The following PLA2G4C variants were observed in gnomAD, a reference collection of about 807,000 sequenced individuals.
PLA2G4C encodes the protein phospholipase A2 group IVC, also known as cytosolic phospholipase A2 gamma.
In PLA2G4C, 64 loss-of-function variants were observed where a neutral mutation model predicts 73.8. The ratio of observed to expected loss-of-function variants is 0.87; its 90% CI spans 0.71 to 1.07. The LOEUF (loss-of-function observed/expected upper bound fraction) is 1.07, where lower values mean the gene tolerates loss of function less well. Ranked by LOEUF, PLA2G4C falls within the 50% of genes least tolerant of loss-of-function variation. The pLI is 0.00. For missense variants in PLA2G4C, 622 were observed against 665.4 expected, an observed-to-expected ratio of 0.93 and a Z score of 0.72; for synonymous variants, 254 against 252.1, an observed-to-expected ratio of 1.01 and a Z score of -0.07.
intron 1 of PLA2G4C, among the ~76,000 whole-genome samples, chr19:48,107,040 T>G (rs1314970987): frequency 1.3e-5 from 2 of 152,134 alleles, no homozygotes; most frequent in African/African-American, 4.8e-5. Flanking sequence ...AGATGGGGTT[T>G]CTCCATGTTG....
chr19:48,058,319 G>T (rs1968037352), intron 14 of PLA2G4C, among the ~76,000 whole-genome samples: 2 of 151,650 alleles, frequency 1.3e-5, no homozygotes, highest in Admixed American at 1.3e-4. Context: ...AAAAATTTGT[G>T]TGGAGATGGG....
intron 15 of PLA2G4C, among the ~76,000 whole-genome samples, chr19:48,053,519 A>T (rs1967811117): frequency 6.6e-6 from 1 of 151,802 alleles, no homozygotes; most frequent in Non-Finnish European, 1.5e-5. Context: ...ACAGGCGTGC[A>T]TCACCACGCT....
At chr19:48,054,222 G>A (rs11564648) in intron 15 of PLA2G4C, among the ~76,000 whole-genome samples, 2 of 152,134 alleles carry the variant, frequency 1.3e-5, no homozygotes, top group Non-Finnish European at 2.9e-5. Context: ...CAAGTGTCGT[G>A]GGAGGTAATT....
intron 12 of PLA2G4C, among the ~76,000 whole-genome samples, chr19:48,071,452 G>A (rs764681250): frequency 5.9e-5 from 9 of 152,108 alleles, no homozygotes; most frequent in South Asian, 2.1e-4. Flanking sequence ...CACCACGCCC[G>A]GCGAATTTTG....
At chr19:48,063,962 AAAGC>A (rs1217803021) in intron 13 of PLA2G4C, 1 of 152,086 alleles carries the variant, frequency 6.6e-6, no homozygotes, top group Non-Finnish European at 1.5e-5. Context: ...GTCTGTTAAG[AAAGC>A]AAAGGGGTGA....
chr19:48,091,552 C>G (rs2031297763), intron 7 of PLA2G4C, among the ~76,000 whole-genome samples: 1 of 151,982 alleles, frequency 6.6e-6, no homozygotes, highest in Non-Finnish European at 1.5e-5. Context: ...TGGTTAGTGA[C>G]TTTTAGCCAA....
intron 10 of PLA2G4C, among the ~76,000 whole-genome samples, chr19:48,080,993 C>CAAAAAA (rs34388817): frequency 4.9e-5 from 5 of 102,892 alleles, no homozygotes; most frequent in Admixed American, 1.1e-4. Flanking sequence ...ACTAAAAATA[C>CAAAAAA]AAAAAAAAAA....
rs1019409721 is a variant in PLA2G4C at position 48,088,694 on chromosome 19, G to A, written c.782C>T (p.Thr261Ile). Residue 261 changes from threonine (T) to isoleucine (I), a missense_variant, in exon 9 of 17, where the codon ACC (threonine) becomes ATC (isoleucine). Thr to Ile is a moderately conservative substitution (Grantham distance 89, BLOSUM62 -1). Transcript: ENST00000599921. ...TGAAGTAGGATGCTTACCTTTCAGGGTCAGATTCCTTAACTGGTCTGCAAA... is the reference window on the plus strand; with the variant it reads ...TGAAGTAGGATGCTTACCTTTCAGGATCAGATTCCTTAACTGGTCTGCAAA... ...EYIFDQLRNL[T>I]LKGLWRRAVA... 6.2e-7 allele frequency: 1 copy of A among 1,608,166 alleles called. No homozygotes were observed. The highest frequency in any genetic ancestry group is 8.5e-7 in the Non-Finnish European group (1 of 1,174,650).
At chr19:48,093,462 CAG>C (rs147169468) in intron 7 of PLA2G4C, among the ~76,000 whole-genome samples, 43 of 149,370 alleles carry the variant, frequency 2.9e-4, no homozygotes, top group Admixed American at 4.0e-4. Context: ...AATCCATGCT[CAG>C]AGAGAGAGAG....
chr19:48,057,480 C>T (rs200038750), intron 14 of PLA2G4C, among the ~76,000 whole-genome samples: 481 of 28,042 alleles, frequency 0.017, 9 homozygotes, highest in East Asian at 0.048. Context: ...TCTTCTTCTT[C>T]TTCTTTTTTT....
At chr19:48,105,286 G>T in intron 3 of PLA2G4C, 47 bp downstream of exon 3, 1 of 1,321,060 alleles carries the variant, frequency 7.6e-7, no homozygotes, top group Non-Finnish European at 1.1e-6. Context: ...TGGGCACAGA[G>T]GGGGCGATTC....
rs1270190886 is a variant in PLA2G4C, at chr19:48,090,431, A to G, written c.710-14T>C. 2.5e-6 allele frequency: 4 copies of G among 1,603,194 alleles called. No individual in the cohort carries two copies. Among genetic ancestry groups the G allele is most frequent in the South Asian group, 1.1e-5 (1 of 90,864 alleles). On this transcript the variant is annotated splice_polypyrimidine_tract_variant and intron_variant, in intron 7 of 16. Coordinates refer to ENST00000599921, the MANE Select transcript of PLA2G4C (RefSeq NM_003706.3). ...TTCCCCATAAACCTGCCAAGAAAAG[A>G]GCAATAAAATTCAAACATTCTCCAT...
At chr19:48,109,581 C>A (rs1179399141) in intron 1 of PLA2G4C, among the ~76,000 whole-genome samples, 3 of 152,114 alleles carry the variant, frequency 2.0e-5, no homozygotes, top group African/African-American at 7.2e-5. Flanking sequence ...CAGACATAGG[C>A]TCTTAAAGGG....
chr19:48,093,689 A>G (rs1223547687), intron 7 of PLA2G4C, among the ~76,000 whole-genome samples: 4 of 152,120 alleles, frequency 2.6e-5, no homozygotes, highest in African/African-American at 9.7e-5. Flanking sequence ...GTTCTAGAGT[A>G]AGACAAACTT....
intron 14 of PLA2G4C, 51 bp from the exon 15 acceptor site, chr19:48,055,100 TCCA>T (rs1967886757): frequency 1.3e-6 from 2 of 1,508,818 alleles, no homozygotes; most frequent in Non-Finnish European, 1.8e-6. Context: ...AGAAGACCCC[TCCA>T]GAAGACCCCT....
chr19:48,049,582 T>G (rs1244027297), intron 16 of PLA2G4C, among the ~76,000 whole-genome samples: 1 of 152,212 alleles, frequency 6.6e-6, no homozygotes, highest in East Asian at 1.9e-4. Context: ...CTGGGCGGAC[T>G]GGATCTAGCA....
At chr19:48,079,075 C>T (rs2030365035) in intron 10 of PLA2G4C, among the ~76,000 whole-genome samples, 1 of 151,976 alleles carries the variant, frequency 6.6e-6, no homozygotes, top group Non-Finnish European at 1.5e-5. Context: ...GCCATGTTGG[C>T]CAGGCTGGTC....
intron 8 of PLA2G4C, among the ~76,000 whole-genome samples, chr19:48,089,428 CA>C (rs2031170405): frequency 6.6e-6 from 1 of 151,974 alleles, no homozygotes; most frequent in Non-Finnish European, 1.5e-5. Flanking sequence ...AAAAAACAAA[CA>C]ACAAAAAAAG....
chr19:48,055,865 C>A (rs1485587704), intron 14 of PLA2G4C, among the ~76,000 whole-genome samples: 23 of 152,070 alleles, frequency 1.5e-4, no homozygotes, highest in Non-Finnish European at 2.9e-5. Flanking sequence ...CTCAGGTGAT[C>A]CGCTCGTCTC....
Sources: allele counts gnomAD v4.1 joint callset (sites outside exome capture counted in the v4.1 genomes callset), GRCh38; gene constraint gnomAD v4.1.1; transcripts MANE v1.5; gene names NCBI Gene and HGNC (gene_info 2026-07-23, HGNC 2026-07-21).